Variants in MACC1 observed in about 807,000 individuals in gnomAD.
MACC1 encodes the protein MET transcriptional regulator MACC1, also known as metastasis-associated in colon cancer protein 1.
MACC1 carries 79 observed loss-of-function variants against 70.7 expected under a neutral mutation model. The observed-to-expected ratio is 1.12, with a 90% CI of 0.93 to 1.35. The LOEUF (loss-of-function observed/expected upper bound fraction) is 1.35, where lower values mean the gene tolerates loss of function less well. MACC1 is among the 40% of genes most tolerant of loss of function. MACC1 has a pLI of 0.00. For missense variants in MACC1, 1,106 were observed against 978.1 expected, an observed-to-expected ratio of 1.13 and a Z score of -1.74; for synonymous variants, 361 against 347.2, an observed-to-expected ratio of 1.04 and a Z score of -0.44.
chr7:20,176,280 A>G (rs1377389103), intron 1 of MACC1, among the ~76,000 whole-genome samples: 1 of 152,072 alleles, frequency 6.6e-6, no homozygotes. Flanking sequence ...CATCAATTAT[A>G]CCTCAATAAA....
At chr7:20,204,735 A>T (rs1291407742) in intron 1 of MACC1, among the ~76,000 whole-genome samples, 1 of 152,220 alleles carries the variant, frequency 6.6e-6, no homozygotes, top group Non-Finnish European at 1.5e-5. Context: ...GCATAACATA[A>T]AAATTGCATT....
rs1280362243 is a variant in MACC1 at position 20,159,369 on chromosome 7, T to C, written c.992A>G (p.Asp331Gly). The C allele has an allele frequency of 6.2e-7, 1 of 1,614,124 alleles. No individual in the cohort carries two copies. The highest frequency in any genetic ancestry group is 1.7e-5 in the Admixed American group (1 of 59,992). ...KVLSNCYIYK[D>G]TIQVKLIDLS... ...GTCGATTAGCTTGACTTGGATGGTGTCTTTATAAATGTAGCAGTTGCTTAA... is the reference window on the plus strand; with the variant it reads ...GTCGATTAGCTTGACTTGGATGGTGCCTTTATAAATGTAGCAGTTGCTTAA... Residue 331 changes from aspartate (D) to glycine (G), a missense_variant, in exon 5 of 7, where the codon GAC (aspartate) becomes GGC (glycine). Transcript: ENST00000400331.
At chr7:20,207,590 G>A (rs979067851) in intron 1 of MACC1, among the ~76,000 whole-genome samples, 2 of 152,098 alleles carry the variant, frequency 1.3e-5, no homozygotes, top group Non-Finnish European at 2.9e-5. Context: ...TTTGAACGAT[G>A]TGCAACATAG....
At chr7:20,162,585 A>G (rs951988049) in intron 3 of MACC1, among the ~76,000 whole-genome samples, 1 of 152,138 alleles carries the variant, frequency 6.6e-6, no homozygotes, top group Non-Finnish European at 1.5e-5. Context: ...TGGAACATAA[A>G]TATATGAAGG....
chr7:20,173,410 A>G (rs1782341690), intron 1 of MACC1, among the ~76,000 whole-genome samples: 1 of 152,178 alleles, frequency 6.6e-6, no homozygotes, highest in Non-Finnish European at 1.5e-5. Flanking sequence ...TTGTGATTAT[A>G]GGAAAGATTA....
In MACC1 at chr7:20,158,424, A is replaced by G; in HGVS notation, c.1937T>C (p.Leu646Ser). The change falls in exon 5 of 7, where the codon TTG becomes TCG. Residue 646 changes from leucine (L) to serine (S), a missense_variant. Physicochemically the swap from Leu to Ser is moderately radical, Grantham distance 145. Coordinates refer to ENST00000400331, the MANE Select transcript of MACC1 (RefSeq NM_182762.4). ...TAATACAACTGAGTAGATATAAGTCAATTTTTTTAAAGGCAGGACAATCTG... is the reference window on the plus strand; with the variant it reads ...TAATACAACTGAGTAGATATAAGTCGATTTTTTTAAAGGCAGGACAATCTG... ...LEQIVLPLKK[L>S]TYIYSVVLTL... is the part of the protein sequence containing the mutation. The G allele has an allele frequency of 6.2e-7, 1 of 1,613,852 alleles. No homozygotes were observed. Among genetic ancestry groups the G allele is most frequent in the Non-Finnish European group, 8.5e-7 (1 of 1,179,934 alleles).
intron 1 of MACC1, among the ~76,000 whole-genome samples, chr7:20,196,006 G>A (rs1782745904): frequency 6.6e-6 from 1 of 151,924 alleles, no homozygotes. Flanking sequence ...AAGGGATGGG[G>A]TGTAACAAAG....
rs1462421160 is a variant in MACC1 at position 20,138,883 on chromosome 7, AG to A, written c.*2062del. On this transcript the variant is annotated 3_prime_UTR_variant, in exon 7 of 7. Transcript: ENST00000400331. The stretch of plus-strand genomic sequence containing the variant: ...GAGACGGGGTTTCACCGCGTTAGCC[AG>A]GATGGTCTCGATCTCCTGACCTAGT... 1 of 152,198 alleles carries A rather than the reference AG, an allele frequency of 6.6e-6. No homozygotes were observed. Among genetic ancestry groups the A allele is most frequent in the Non-Finnish European group, 1.5e-5 (1 of 68,074 alleles). 9.4% of individuals were successfully genotyped at this position (152,198 alleles called of 1,614,324 possible).
At chr7:20,183,948 T>C (rs1184909159) in intron 1 of MACC1, among the ~76,000 whole-genome samples, 1 of 152,096 alleles carries the variant, frequency 6.6e-6, no homozygotes, top group Non-Finnish European at 1.5e-5. Flanking sequence ...ACGCAGGTGA[T>C]TCATCCACCT....
chr7:20,161,924 G>T, intron 3 of MACC1, 54 bp from the exon 4 acceptor site: 1 of 1,077,982 alleles, frequency 9.3e-7, no homozygotes, highest in Non-Finnish European at 1.4e-6. Flanking sequence ...CAGGCTGGCA[G>T]AGAAAATAAA....
intron 1 of MACC1, among the ~76,000 whole-genome samples, chr7:20,183,401 C>T (rs1407842211): frequency 6.6e-6 from 1 of 152,176 alleles, no homozygotes; most frequent in Non-Finnish European, 1.5e-5. Context: ...CCCAGAGCCT[C>T]CATAGGAGAA....
intron 1 of MACC1, among the ~76,000 whole-genome samples, chr7:20,180,325 C>T (rs1256528173): frequency 6.6e-6 from 1 of 151,780 alleles, no homozygotes; most frequent in Non-Finnish European, 1.5e-5. Flanking sequence ...TGCCCGTAGT[C>T]CCAGCTTCTC....
At chr7:20,215,665 A>G (rs1459709202) in intron 1 of MACC1, among the ~76,000 whole-genome samples, 1 of 152,210 alleles carries the variant, frequency 6.6e-6, no homozygotes, top group Non-Finnish European at 1.5e-5. Flanking sequence ...TTTAGTCTTA[A>G]TAGACACCTA....
chr7:20,184,697 G>A (rs1318827667), intron 1 of MACC1, among the ~76,000 whole-genome samples: 3 of 151,992 alleles, frequency 2.0e-5, no homozygotes, highest in Non-Finnish European at 2.9e-5. Context: ...TTTGTCTGCC[G>A]AAATATTTTC....
At chr7:20,178,702 C>T (rs1239532619) in intron 1 of MACC1, among the ~76,000 whole-genome samples, 2 of 152,144 alleles carry the variant, frequency 1.3e-5, no homozygotes, top group East Asian at 1.9e-4. Context: ...CGGGTTCAAG[C>T]GATTCTTCTG....
intron 1 of MACC1, among the ~76,000 whole-genome samples, chr7:20,186,488 A>G (rs1430264385): frequency 3.9e-5 from 6 of 152,180 alleles, no homozygotes; most frequent in African/African-American, 1.4e-4. Context: ...TAATATTGAA[A>G]AGGTAAAATA....
Position 20,203,040 on chromosome 7 carries a change from A to G in MACC1, c.-218+14259T>C, listed in dbSNP as rs541299824. On this transcript the variant is annotated intron_variant, in intron 1 of 6. Transcript: ENST00000400331. The stretch of plus-strand genomic sequence containing the variant: ...TATTTTTGTCCACCACTGTGCTTTT[A>G]AAAAATTTATTCATTGGGGGAAATT... Among the ~76,000 whole-genome samples the G allele has an allele frequency of 1.6e-4, 25 of 152,362 alleles. 1 individual carries two copies. In the East Asian group the frequency reaches 4.8e-3, roughly 29 times the overall value.
rs200340543 is a variant in MACC1, at chr7:20,140,907, AC to A, written c.*38del. 1.2e-3 allele frequency: 1,749 copies of A among 1,423,222 alleles called. 20 individuals are homozygous for A. The African/African-American group carries it at 0.021, about 17-fold the overall frequency. 88.2% of individuals were successfully genotyped at this position (1,423,222 alleles called of 1,614,324 possible). On this transcript the variant is annotated 3_prime_UTR_variant, in exon 7 of 7. Transcript: ENST00000400331. ...CAGACACACACACACACACACCATTACCTCATTTTCCCTCCCATCAAAAACA... is the reference window on the plus strand; with the variant it reads ...CAGACACACACACACACACACCATTACTCATTTTCCCTCCCATCAAAAACA...
chr7:20,189,458 GAGAA>G (rs1782639376), intron 1 of MACC1, among the ~76,000 whole-genome samples: 1 of 152,166 alleles, frequency 6.6e-6, no homozygotes, highest in African/African-American at 2.4e-5. Flanking sequence ...CTTGAAAACT[GAGAA>G]AGAAACAAAT....
Sources: gnomAD v4.1 joint callset for allele counts (sites outside exome capture counted in the v4.1 genomes callset) on GRCh38, gnomAD v4.1.1 for gene constraint, MANE v1.5 for transcripts, NCBI Gene and HGNC (gene_info 2026-07-23, HGNC 2026-07-21) for gene names.